The following CACNA1E variants were observed in gnomAD, a reference collection of about 807,000 sequenced individuals.
CACNA1E encodes voltage-dependent R-type calcium channel subunit alpha-1E.
Under a neutral mutation model 259.2 loss-of-function variants are expected in CACNA1E, and 40 were observed. The ratio of observed to expected loss-of-function variants is 0.15; its 90% CI spans 0.12 to 0.20. The LOEUF (loss-of-function observed/expected upper bound fraction) is 0.20. Ranked by LOEUF, CACNA1E falls within the 10% of genes least tolerant of loss-of-function variation. The pLI is 1.00. For synonymous variants in CACNA1E, 1,104 were observed against 1,138.5 expected (o/e 0.97, Z 0.61); for missense variants, 1,874 against 3,040.1 (o/e 0.62, Z 9.02).
chr1:181,602,528 C>T (rs1653843494), intron 6 of CACNA1E, among the ~76,000 whole-genome samples: 1 of 152,136 alleles, frequency 6.6e-6, no homozygotes, highest in South Asian at 2.1e-4. Context: ...GGATGCTCAA[C>T]CTGTATTTAA....
chr1:181,689,209 C>T (rs1375862012), intron 7 of CACNA1E, among the ~76,000 whole-genome samples: 4 of 152,050 alleles, frequency 2.6e-5, no homozygotes, highest in Non-Finnish European at 5.9e-5. Context: ...TCAACTCCCA[C>T]TTAGGAGTGA....
intron 6 of CACNA1E, among the ~76,000 whole-genome samples, chr1:181,617,656 A>C (rs1459920563): frequency 6.6e-6 from 1 of 152,150 alleles, no homozygotes; most frequent in Non-Finnish European, 1.5e-5. Context: ...CCACAAGCTT[A>C]AGTATATAGC....
intron 30 of CACNA1E, 97 bp from the exon 31 acceptor site, chr1:181,757,850 C>T: frequency 7.4e-7 from 1 of 1,351,870 alleles, no homozygotes. Context: ...TGCCCTTTTT[C>T]CCATTCACCG....
At chr1:181,780,888 G>A (rs1572880036) in intron 38 of CACNA1E, among the ~76,000 whole-genome samples, 1 of 152,276 alleles carries the variant, frequency 6.6e-6, no homozygotes, top group East Asian at 1.9e-4. Context: ...GATACACGAC[G>A]TTCTGCCTGT....
intron 6 of CACNA1E, among the ~76,000 whole-genome samples, chr1:181,641,703 G>GTTTTTTTTCTTTT (rs1657767599): frequency 4.9e-5 from 4 of 81,116 alleles, no homozygotes; most frequent in Non-Finnish European, 9.9e-5. Context: ...CTAATTTTTT[G>GTTTTTTTTCTTTT]TTTTTTTTTT....
intron 2 of CACNA1E, among the ~76,000 whole-genome samples, chr1:181,443,433 GCT>G (rs1660620547): frequency 6.6e-6 from 1 of 152,202 alleles, no homozygotes; most frequent in Non-Finnish European, 1.5e-5. Context: ...CAGAAAATGT[GCT>G]CTCTCTTTGT....
At chr1:181,569,655 C>A (rs1406885841) in intron 3 of CACNA1E, among the ~76,000 whole-genome samples, 1 of 152,110 alleles carries the variant, frequency 6.6e-6, no homozygotes. Context: ...TTTGGATATC[C>A]AATTATTAGG....
At chr1:181,476,779 C>T (rs533322602) in intron 2 of CACNA1E, among the ~76,000 whole-genome samples, 8 of 152,232 alleles carry the variant, frequency 5.3e-5, no homozygotes, top group African/African-American at 1.2e-4. Flanking sequence ...GTGCTCCTGC[C>T]GGTTGTTCTC....
chr1:181,795,072 T>TTCA, intron 46 of CACNA1E, 28 bp downstream of exon 46: 4 of 1,599,416 alleles, frequency 2.5e-6, no homozygotes, highest in Non-Finnish European at 3.4e-6. Flanking sequence ...GTCCAGCTCT[T>TTCA]TCATCAGGCA....
At chr1:181,635,479 T>A in intron 6 of CACNA1E, among the ~76,000 whole-genome samples, 1 of 152,174 alleles carries the variant, frequency 6.6e-6, no homozygotes, top group South Asian at 2.1e-4. Context: ...CAGTTCTCTC[T>A]CTCTCTCTTT....
At chr1:181,388,978 G>A (rs1254744927) in intron 1 of CACNA1E, among the ~76,000 whole-genome samples, 1 of 152,098 alleles carries the variant, frequency 6.6e-6, no homozygotes, top group Non-Finnish European at 1.5e-5. Flanking sequence ...TGTGGTGCAT[G>A]ACTGTATAGG....
chr1:181,663,954 T>C lies in CACNA1E; in HGVS notation c.1055+12513T>C, dbSNP rs543881672. On this transcript the variant is annotated intron_variant, in intron 7 of 47. Transcript: ENST00000367573. Reference sequence around the variant, plus strand: ...TTCAGAATAATCACTTCTAAAGGATTGTTAAAGCTGTTATCCTATAGGCAA... The same window carrying C: ...TTCAGAATAATCACTTCTAAAGGATCGTTAAAGCTGTTATCCTATAGGCAA... Among the ~76,000 whole-genome samples, 17 of 152,340 alleles carry C rather than the reference T, an allele frequency of 1.1e-4. No individual in the cohort carries two copies. In the East Asian group the frequency reaches 2.9e-3, roughly 26 times the overall value.
chr1:181,723,293 A>AGAT (rs1263008798), intron 16 of CACNA1E, among the ~76,000 whole-genome samples: 1 of 151,880 alleles, frequency 6.6e-6, no homozygotes, highest in Non-Finnish European at 1.5e-5. Context: ...CAGAATGGGG[A>AGAT]GATGAGCTCC....
chr1:181,670,700 C>T (rs1648704057), intron 7 of CACNA1E, among the ~76,000 whole-genome samples: 1 of 152,202 alleles, frequency 6.6e-6, no homozygotes, highest in South Asian at 2.1e-4. Flanking sequence ...CCTCCCCACC[C>T]TCGGCAGAGT....
chr1:181,392,764 T>C (rs1009026387), intron 1 of CACNA1E, among the ~76,000 whole-genome samples: 6 of 152,098 alleles, frequency 3.9e-5, no homozygotes, highest in Non-Finnish European at 7.4e-5. Context: ...AGACTGTGAC[T>C]CATGAAGAGA....
At chr1:181,564,290 A>G (rs1649604860) in intron 3 of CACNA1E, among the ~76,000 whole-genome samples, 1 of 152,198 alleles carries the variant, frequency 6.6e-6, no homozygotes, top group Non-Finnish European at 1.5e-5. Flanking sequence ...TTTATCAACT[A>G]ATTTCATGTA....
intron 38 of CACNA1E, among the ~76,000 whole-genome samples, chr1:181,777,221 C>T (rs1245852490): frequency 6.6e-6 from 1 of 152,226 alleles, no homozygotes; most frequent in East Asian, 1.9e-4. Context: ...TCCAAAGGAA[C>T]TGTTCTGTTC....
intron 6 of CACNA1E, among the ~76,000 whole-genome samples, chr1:181,593,107 A>G (rs1386898660): frequency 1.3e-5 from 2 of 152,196 alleles, no homozygotes; most frequent in African/African-American, 4.8e-5. Flanking sequence ...TGAAAGTTTT[A>G]TAGCAATTAC....
At chr1:181,692,360 C>T (rs776720729) in intron 7 of CACNA1E, among the ~76,000 whole-genome samples, 1 of 152,052 alleles carries the variant, frequency 6.6e-6, no homozygotes, top group Admixed American at 6.6e-5. Context: ...TCCTAAGTAG[C>T]AGGAACAAAG....
Sources: gnomAD v4.1 joint callset for allele counts (sites outside exome capture counted in the v4.1 genomes callset) on GRCh38, gnomAD v4.1.1 for gene constraint, MANE v1.5 for transcripts, NCBI Gene and HGNC (gene_info 2026-07-23, HGNC 2026-07-21) for gene names.